The following NOL4 variants were observed in gnomAD, a reference collection of about 807,000 sequenced individuals.
The protein encoded by NOL4 is nucleolar protein 4.
A neutral mutation model predicts 75.9 loss-of-function variants in NOL4; 17 were observed. That is an observed-to-expected ratio of 0.22 (90% CI 0.15 to 0.34). The LOEUF (loss-of-function observed/expected upper bound fraction) is 0.34, where lower values mean the gene tolerates loss of function less well. Among genes scored for constraint, NOL4 ranks in the 10% least tolerant of loss-of-function variants. The pLI, the probability that NOL4 is intolerant of heterozygous loss-of-function variation, is 1.00. For missense variants in NOL4, 614 were observed against 793.5 expected, an observed-to-expected ratio of 0.77 and a Z score of 2.72; for synonymous variants, 292 against 289.9, an observed-to-expected ratio of 1.01 and a Z score of -0.07.
At chr18:33,889,927 A>G (rs531536078) in intron 9 of NOL4, among the ~76,000 whole-genome samples, 45 of 152,300 alleles carry the variant, frequency 3.0e-4, no homozygotes, top group African/African-American at 1.1e-3. Flanking sequence ...CACAGCCAAT[A>G]TCATACTGAA....
intron 1 of NOL4, among the ~76,000 whole-genome samples, chr18:34,211,096 G>A (rs2036483174): frequency 7.4e-6 from 1 of 135,224 alleles, no homozygotes; most frequent in Non-Finnish European, 1.6e-5. Flanking sequence ...AAGGAGGGAA[G>A]GAAGAAGGAA....
At chr18:34,080,556 T>A (rs2077961717) in intron 5 of NOL4, among the ~76,000 whole-genome samples, 1 of 152,190 alleles carries the variant, frequency 6.6e-6, no homozygotes, top group African/African-American at 2.4e-5. Flanking sequence ...ACACAGGTTA[T>A]ATCACAGAAC....
In NOL4 at chr18:34,037,130, T is replaced by C. The variant is rs894669437; in HGVS notation, c.773-17529A>G. Among the ~76,000 whole-genome samples, 6 of 152,116 alleles carry C rather than the reference T, an allele frequency of 3.9e-5. No homozygotes were observed. In the East Asian group the frequency reaches 1.2e-3, roughly 29 times the overall value. On this transcript the variant is annotated intron_variant, in intron 5 of 10. Transcript: ENST00000261592. Reference sequence around the variant, plus strand: ...AAATCAGTACCATTTCTGTACACCATAGTGAAATAGCTGAAAGTGAAATCA... The same window carrying C: ...AAATCAGTACCATTTCTGTACACCACAGTGAAATAGCTGAAAGTGAAATCA...
At chr18:34,079,863 A>G (rs958449096) in intron 5 of NOL4, among the ~76,000 whole-genome samples, 3 of 152,222 alleles carry the variant, frequency 2.0e-5, no homozygotes, top group East Asian at 3.9e-4. Context: ...TTAAAGATAT[A>G]TAACTATGCT....
chr18:33,989,286 C>A (rs1218264474), intron 6 of NOL4, among the ~76,000 whole-genome samples: 4 of 151,066 alleles, frequency 2.6e-5, no homozygotes, highest in African/African-American at 9.7e-5. Context: ...AAGGGATACG[C>A]TGCCATTCAC....
chr18:33,998,763 T>C (rs1368754484), intron 6 of NOL4, among the ~76,000 whole-genome samples: 2 of 152,122 alleles, frequency 1.3e-5, no homozygotes, highest in South Asian at 2.1e-4. Flanking sequence ...TCAATTAAAT[T>C]AATGAATGAC....
At chr18:33,862,603 G>A (rs951324949) in intron 10 of NOL4, among the ~76,000 whole-genome samples, 4 of 152,128 alleles carry the variant, frequency 2.6e-5, no homozygotes, top group Admixed American at 2.6e-4. Context: ...ATCAAAAAGT[G>A]GACAAAGGAC....
intron 9 of NOL4, among the ~76,000 whole-genome samples, chr18:33,897,624 G>A (rs1364342407): frequency 6.6e-6 from 1 of 151,992 alleles, no homozygotes; most frequent in East Asian, 1.9e-4. Context: ...AAGGTGGGAG[G>A]AGGAAGAGGA....
chr18:34,115,930 C>A (rs926839209), intron 2 of NOL4, among the ~76,000 whole-genome samples: 1 of 152,106 alleles, frequency 6.6e-6, no homozygotes, highest in African/African-American at 2.4e-5. Flanking sequence ...TTTTTCATAA[C>A]TTACCACTTG....
chr18:33,863,221 T>C (rs1357648447), intron 10 of NOL4, among the ~76,000 whole-genome samples: 1 of 150,694 alleles, frequency 6.6e-6, no homozygotes, highest in African/African-American at 2.5e-5. Context: ...AATTGAACAA[T>C]GAGAACACAT....
chr18:33,940,979 T>C (rs1015119504), intron 9 of NOL4, among the ~76,000 whole-genome samples: 8 of 151,992 alleles, frequency 5.3e-5, no homozygotes, highest in Admixed American at 2.6e-4. Context: ...TTGAGCTCAA[T>C]GTAAAGACCT....
chr18:34,034,658 G>C (rs573263195), intron 5 of NOL4, among the ~76,000 whole-genome samples: 4 of 152,046 alleles, frequency 2.6e-5, no homozygotes, highest in Non-Finnish European at 4.4e-5. Flanking sequence ...AGAATCACTT[G>C]AACTTCGGGA....
At chr18:34,215,757 G>A (rs917773081) in intron 1 of NOL4, among the ~76,000 whole-genome samples, 1 of 152,126 alleles carries the variant, frequency 6.6e-6, no homozygotes, top group Admixed American at 6.5e-5. Flanking sequence ...ACAACCTGGG[G>A]TTAGGTGTAC....
At chr18:34,061,704 G>A (rs921609539) in intron 5 of NOL4, among the ~76,000 whole-genome samples, 47 of 152,022 alleles carry the variant, frequency 3.1e-4, no homozygotes, top group African/African-American at 1.0e-3. Context: ...TAAGAACCAC[G>A]AATAAATGAA....
chr18:33,979,748 C>A (rs2145966128), intron 6 of NOL4, among the ~76,000 whole-genome samples: 1 of 152,098 alleles, frequency 6.6e-6, no homozygotes, highest in Middle Eastern at 3.4e-3. Context: ...AAAAAACTTT[C>A]ATTCTGGTTA....
At chr18:34,006,113 T>A (rs147248640) in intron 6 of NOL4, among the ~76,000 whole-genome samples, 72 of 152,232 alleles carry the variant, frequency 4.7e-4, no homozygotes, top group African/African-American at 1.7e-3. Flanking sequence ...TTTATAGCTC[T>A]CAGTCTTTAA....
chr18:34,056,496 T>A (rs949626033), intron 5 of NOL4, among the ~76,000 whole-genome samples: 1 of 152,166 alleles, frequency 6.6e-6, no homozygotes, highest in Non-Finnish European at 1.5e-5. Context: ...GGACCCACCA[T>A]GCCAAACCGC....
chr18:33,932,885 A>C (rs1331451326), intron 9 of NOL4, among the ~76,000 whole-genome samples: 2 of 152,124 alleles, frequency 1.3e-5, no homozygotes, highest in African/African-American at 4.8e-5. Flanking sequence ...ATAGTCCCAC[A>C]TTCATATATG....
chr18:34,180,086 T>C (rs2033906232), intron 1 of NOL4, among the ~76,000 whole-genome samples: 1 of 151,606 alleles, frequency 6.6e-6, no homozygotes. Flanking sequence ...TCTCTTTACA[T>C]AGTCTTCCAA....
Sources: allele counts gnomAD v4.1 joint callset (sites outside exome capture counted in the v4.1 genomes callset), GRCh38; gene constraint gnomAD v4.1.1; transcripts MANE v1.5; gene names NCBI Gene and HGNC (gene_info 2026-07-23, HGNC 2026-07-21).